Variants in TEX9 observed in about 807,000 individuals in gnomAD.
TEX9 encodes the protein testis-expressed protein 9.
Under a neutral mutation model 59.6 loss-of-function variants are expected in TEX9, and 74 were observed. That is an observed-to-expected ratio of 1.24 (90% confidence interval 1.03 to 1.51). The LOEUF (loss-of-function observed/expected upper bound fraction) is 1.51, where lower values mean the gene tolerates loss of function less well. Among genes scored for constraint, TEX9 ranks in the 40% most tolerant of loss-of-function variants. TEX9 has a pLI of 0.00. For synonymous variants in TEX9, 186 were observed against 152.2 expected (o/e 1.22, Z -1.64); for missense variants, 522 against 447.8 (o/e 1.17, Z -1.49).
At chr15:56,351,672 T>C (rs2046583429) in intron 1 of TEX9, among the ~76,000 whole-genome samples, 1 of 152,218 alleles carries the variant, frequency 6.6e-6, no homozygotes, top group Admixed American at 6.5e-5. Context: ...TTTTTGCAAA[T>C]GTCATGAATA....
In TEX9 at chr15:56,443,332, C is replaced by A. The variant is rs2050850838; in HGVS notation, c.*30-2339C>A. ...ATACCATTTACATATAATGTAATTA[C>A]CAGTATGGTTGGATTTAAATGTACT... On this transcript the variant is annotated intron_variant, in intron 12 of 12. Transcript: ENST00000352903. 5 of 836,752 alleles carry A rather than the reference C, an allele frequency of 6.0e-6. No homozygotes were observed. The East Asian group carries it at 1.1e-4, about 19-fold the overall frequency. 51.8% of individuals were successfully genotyped at this position (836,752 alleles called of 1,614,324 possible).
chr15:56,444,473 A>G (rs144146491), intron 12 of TEX9: 22 of 1,607,670 alleles, frequency 1.4e-5, no homozygotes, highest in Non-Finnish European at 1.9e-5. Flanking sequence ...TCTTCCTAAC[A>G]ATTTCATCAA....
chr15:56,315,689 C>T (rs12324054), intron 1 of TEX9, among the ~76,000 whole-genome samples: 38,223 of 137,124 alleles, frequency 0.28, 5,996 homozygotes, highest in Middle Eastern at 0.43. Context: ...TGAATCTGAA[C>T]GTTGGCCTGC....
chr15:56,447,046 A>G (rs2050910585), downstream of TEX9: 4 of 739,062 alleles, frequency 5.4e-6, no homozygotes, highest in Non-Finnish European at 8.9e-6. Context: ...CAAAGAGGGA[A>G]TACAGCGGGT....
intron 2 of TEX9, among the ~76,000 whole-genome samples, chr15:56,371,934 T>C (rs2142016129): frequency 6.6e-6 from 1 of 152,354 alleles, no homozygotes; most frequent in East Asian, 1.9e-4. Flanking sequence ...ATGACTCACA[T>C]ACATCAGCTT....
intron 1 of TEX9, among the ~76,000 whole-genome samples, chr15:56,356,079 A>G (rs2046678836): frequency 6.6e-6 from 1 of 152,120 alleles, no homozygotes; most frequent in Non-Finnish European, 1.5e-5. Flanking sequence ...GATGTCATCT[A>G]TGAACAAAAA....
exon 1 of TEX9, chr15:56,244,168 C>CG (rs1190830159): frequency 6.6e-6 from 1 of 152,076 alleles, no homozygotes; most frequent in African/African-American, 2.4e-5. Context: ...GGGATTTGGG[C>CG]GGGGGAGGCA....
intron 1 of TEX9, among the ~76,000 whole-genome samples, chr15:56,272,944 TTTG>T (rs1555430185): frequency 4.2e-5 from 6 of 142,256 alleles, no homozygotes; most frequent in African/African-American, 1.6e-4. Context: ...ATTTATTTTT[TTTG>T]TTGTTGTTGT....
At chr15:56,311,054 C>T (rs2045599648) in intron 1 of TEX9, among the ~76,000 whole-genome samples, 1 of 152,064 alleles carries the variant, frequency 6.6e-6, no homozygotes, top group Non-Finnish European at 1.5e-5. Flanking sequence ...TCTGCCCTGG[C>T]ATTTGCACCC....
rs966353960 is a variant in TEX9 at position 56,376,056 on chromosome 15, C to A, written c.183+2552C>A. Among the ~76,000 whole-genome samples the A allele has an allele frequency of 9.5e-5, 13 of 137,020 alleles. No homozygotes were observed. In the Admixed American group the frequency reaches 1.1e-3, roughly 11 times the overall value. 89.9% of individuals were successfully genotyped at this position (137,020 alleles called of 152,430 possible). A position where few individuals can be genotyped will look rare whatever the true frequency, so the allele number is the denominator to read the frequency against. On this transcript the variant is annotated intron_variant, in intron 3 of 12. Transcript: ENST00000352903. Reference sequence around the variant, plus strand: ...TGGACACAGGAAGGGGAACATCACACACTGGGGACTCTTGTGGGGTCGGGG... The same window carrying A: ...TGGACACAGGAAGGGGAACATCACAAACTGGGGACTCTTGTGGGGTCGGGG...
intron 9 of TEX9, among the ~76,000 whole-genome samples, chr15:56,407,106 A>G (rs1269440813): frequency 6.6e-6 from 1 of 151,962 alleles, no homozygotes; most frequent in Non-Finnish European, 1.5e-5. Context: ...TGTGTATCTC[A>G]AAATCATATA....
chr15:56,455,719 C>A, the TEX9 span, among the ~76,000 whole-genome samples: 3 of 152,050 alleles, frequency 2.0e-5, no homozygotes, highest in African/African-American at 7.2e-5. Context: ...ATCTGGCAGT[C>A]TTTCTTGGAG....
intron 1 of TEX9, among the ~76,000 whole-genome samples, chr15:56,310,692 G>A (rs1331780550): frequency 2.0e-5 from 3 of 152,172 alleles, no homozygotes; most frequent in East Asian, 3.8e-4. Context: ...AAGATAGGTG[G>A]CTAGATAATG....
chr15:56,401,842 C>A (rs2048802191), intron 9 of TEX9, among the ~76,000 whole-genome samples: 1 of 152,198 alleles, frequency 6.6e-6, no homozygotes, highest in Non-Finnish European at 1.5e-5. Context: ...CAAAACCACA[C>A]AACTACATGG....
rs2048195564 is a variant in TEX9 at position 56,391,252 on chromosome 15, GA to G, written c.408del (p.Lys136AsnfsTer42). ...AATTTTTATTTTTTAGTGTTAAATT[GA>G]AATACTCTGATGTCCAAACTGCCGA... On this transcript the variant is annotated frameshift_variant, in exon 7 of 13. Coordinates refer to ENST00000352903, the Ensembl canonical transcript of TEX9. LOFTEE classifies it high-confidence loss of function. 3 of 1,551,486 alleles carry G rather than the reference GA, an allele frequency of 1.9e-6. No homozygotes were observed. In the East Asian group the frequency reaches 6.8e-5, roughly 35 times the overall value.
intron 1 of TEX9, among the ~76,000 whole-genome samples, chr15:56,319,659 C>T (rs1385127731): frequency 6.6e-6 from 1 of 152,034 alleles, no homozygotes; most frequent in Non-Finnish European, 1.5e-5. Context: ...CAGCAGAAAC[C>T]TAGGGAAATG....
chr15:56,406,348 G>T (rs886298721), intron 9 of TEX9, among the ~76,000 whole-genome samples: 12 of 152,128 alleles, frequency 7.9e-5, no homozygotes, highest in African/African-American at 2.9e-4. Context: ...TTGTTTATCT[G>T]ATCACCAGTT....
intron 1 of TEX9, among the ~76,000 whole-genome samples, chr15:56,271,695 T>A (rs1454252066): frequency 6.6e-6 from 1 of 152,242 alleles, no homozygotes; most frequent in Non-Finnish European, 1.5e-5. Flanking sequence ...AGTGTTTGTA[T>A]GGCATATGAC....
intron 1 of TEX9, among the ~76,000 whole-genome samples, chr15:56,331,009 C>T (rs1368113326): frequency 6.6e-6 from 1 of 152,056 alleles, no homozygotes; most frequent in Non-Finnish European, 1.5e-5. Context: ...AGGAGTTGCT[C>T]TGTTTATATC....
Sources: allele counts gnomAD v4.1 joint callset (sites outside exome capture counted in the v4.1 genomes callset), GRCh38; gene constraint gnomAD v4.1.1; transcripts MANE v1.5; gene names NCBI Gene and HGNC (gene_info 2026-07-23, HGNC 2026-07-21).